RASGRP3: variants seen among roughly 807,000 people sequenced by gnomAD.
RASGRP3 encodes the protein RAS guanyl releasing protein 3.
In RASGRP3, 54 loss-of-function variants were observed where a neutral mutation model predicts 82.7. The observed-to-expected ratio is 0.65, with a 90% CI of 0.52 to 0.82. RASGRP3 has a LOEUF of 0.82. Ranked by LOEUF, RASGRP3 falls within the 40% of genes least tolerant of loss-of-function variation. RASGRP3 has a pLI of 0.00. For missense variants in RASGRP3, 861 were observed against 828.9 expected (o/e 1.04, Z -0.48); for synonymous variants, 309 against 300.5 (o/e 1.03, Z -0.29).
chr2:33,486,855 G>A (rs1480124939), intron 1 of RASGRP3, among the ~76,000 whole-genome samples: 4 of 152,154 alleles, frequency 2.6e-5, no homozygotes, highest in African/African-American at 9.7e-5. Context: ...AGAGGGACGG[G>A]AGAAAAGGAG....
chr2:33,485,378 GTCT>G (rs1668284208), intron 1 of RASGRP3, among the ~76,000 whole-genome samples: 3 of 152,232 alleles, frequency 2.0e-5, no homozygotes, highest in African/African-American at 7.2e-5. Flanking sequence ...GCACCCTGCA[GTCT>G]TCTTTTAGCT....
chr2:33,460,195 C>T (rs1441794276), intron 2 of RASGRP3, among the ~76,000 whole-genome samples: 4 of 152,044 alleles, frequency 2.6e-5, no homozygotes, highest in African/African-American at 9.7e-5. Context: ...GAGTAGAATG[C>T]AACTATTAAA....
chr2:33,493,253 A>G (rs1344018060), intron 1 of RASGRP3: 1 of 152,346 alleles, frequency 6.6e-6, no homozygotes, highest in Middle Eastern at 3.4e-3. Context: ...GCTCCAGACG[A>G]ATCCACTTAT....
intron 6 of RASGRP3, 92 bp downstream of exon 6, chr2:33,520,776 C>T: frequency 1.3e-6 from 2 of 1,514,686 alleles, no homozygotes; most frequent in Non-Finnish European, 1.8e-6. Context: ...GTCCATCCCA[C>T]TCCTGAATCC....
At chr2:33,488,535 CAT>C (rs1668589317) in intron 1 of RASGRP3, among the ~76,000 whole-genome samples, 1 of 152,160 alleles carries the variant, frequency 6.6e-6, no homozygotes, top group Non-Finnish European at 1.5e-5. Flanking sequence ...AAGAACTCTC[CAT>C]ACACAATGGA....
intron 2 of RASGRP3, among the ~76,000 whole-genome samples, chr2:33,454,272 G>C (rs933473921): frequency 6.6e-6 from 1 of 152,188 alleles, no homozygotes; most frequent in Non-Finnish European, 1.5e-5. Flanking sequence ...CCAGAGAGGA[G>C]TGAGTCAATT....
At chr2:33,486,967 T>C (rs1265230281) in intron 1 of RASGRP3, among the ~76,000 whole-genome samples, 11 of 152,182 alleles carry the variant, frequency 7.2e-5, no homozygotes, top group Non-Finnish European at 1.5e-5. Context: ...TTCAACCATA[T>C]ATAAAAATAG....
At chr2:33,507,679 C>T (rs908447852) in intron 1 of RASGRP3, among the ~76,000 whole-genome samples, 1 of 152,166 alleles carries the variant, frequency 6.6e-6, no homozygotes, top group Admixed American at 6.5e-5. Context: ...GCATGTGCCA[C>T]CACGCCTGGC....
At chr2:33,508,770 ATTTG>A (rs1016102111) in intron 1 of RASGRP3, among the ~76,000 whole-genome samples, 1 of 152,166 alleles carries the variant, frequency 6.6e-6, no homozygotes, top group African/African-American at 2.4e-5. Flanking sequence ...TCCTGGAGGT[ATTTG>A]TTTGTTTTTT....
At chr2:33,474,410 G>C (rs530482233), upstream of RASGRP3, among the ~76,000 whole-genome samples, 1 of 152,258 alleles carries the variant, frequency 6.6e-6, no homozygotes, top group South Asian at 2.1e-4. Context: ...GTGCGGTCTT[G>C]ATCTTGGCTC....
intron 2 of RASGRP3, among the ~76,000 whole-genome samples, chr2:33,456,984 C>A (rs1384725153): frequency 6.7e-6 from 1 of 149,400 alleles, no homozygotes; most frequent in East Asian, 2.0e-4. Context: ...CTCACTGCAG[C>A]CTCTGCCTCC....
chr2:33,450,090 C>T (rs1034938387), intron 2 of RASGRP3, among the ~76,000 whole-genome samples: 1 of 152,086 alleles, frequency 6.6e-6, no homozygotes, highest in African/African-American at 2.4e-5. Context: ...ATCGTTATTT[C>T]CAGCCCCCAA....
At chr2:33,529,114 A>G (rs1452822594) in intron 10 of RASGRP3, among the ~76,000 whole-genome samples, 1 of 152,200 alleles carries the variant, frequency 6.6e-6, no homozygotes, top group Non-Finnish European at 1.5e-5. Flanking sequence ...ATAATGGGGT[A>G]GGGAAATTAA....
chr2:33,541,019 G>C (rs1351308876), intron 12 of RASGRP3, among the ~76,000 whole-genome samples: 1 of 146,768 alleles, frequency 6.8e-6, no homozygotes, highest in Non-Finnish European at 1.5e-5. Flanking sequence ...GCGATAGATA[G>C]AATAGACAGA....
In RASGRP3 at chr2:33,455,076, A is replaced by G. The variant is rs936504824; in HGVS notation, c.-261+7133A>G. Among the ~76,000 whole-genome samples the G allele has an allele frequency of 3.3e-5, 5 of 152,292 alleles. No homozygotes were observed. The East Asian group carries it at 9.6e-4, about 29-fold the overall frequency. ...GGAGGAGAGTGGGAATGTCAGGAAA[A>G]CAGTGTCATAGATGTCAACTATAGC... is the stretch of plus-strand genomic sequence containing the variant. On this transcript the variant is annotated intron_variant, in intron 2 of 18. Transcript: ENST00000402538.
At chr2:33,516,506 A>C in intron 3 of RASGRP3, 36 bp from the exon 4 acceptor site, 6 of 1,366,736 alleles carry the variant, frequency 4.4e-6, no homozygotes, top group African/African-American at 2.9e-5. Flanking sequence ...GAATAGCACT[A>C]TTATCTCCTC....
At chr2:33,548,514 AAGG>A (rs1317539513) in intron 13 of RASGRP3, among the ~76,000 whole-genome samples, 1 of 152,034 alleles carries the variant, frequency 6.6e-6, no homozygotes, top group Non-Finnish European at 1.5e-5. Context: ...CATAACCTGG[AAGG>A]AGGAGAGTCC....
At chr2:33,472,507 G>C (rs4280440), upstream of RASGRP3, among the ~76,000 whole-genome samples, 14,773 of 152,212 alleles carry the variant, frequency 0.097, 959 homozygotes, top group Admixed American at 0.17. Flanking sequence ...GAACATATGA[G>C]GGGCGGTAAG....
chr2:33,499,324 G>A (rs747761258), intron 1 of RASGRP3, among the ~76,000 whole-genome samples: 13 of 152,140 alleles, frequency 8.5e-5, no homozygotes, highest in Admixed American at 4.6e-4. Context: ...TTGGGAGACC[G>A]AGGTGGGTGG....
Sources: gnomAD v4.1 joint callset for allele counts (sites outside exome capture counted in the v4.1 genomes callset) on GRCh38, gnomAD v4.1.1 for gene constraint, MANE v1.5 for transcripts, NCBI Gene and HGNC (gene_info 2026-07-23, HGNC 2026-07-21) for gene names.